Variants in DDX50 observed in about 807,000 individuals in gnomAD.
The protein encoded by DDX50 is ATP-dependent RNA helicase DDX50.
A neutral mutation model predicts 94.8 loss-of-function variants in DDX50; 56 were observed. The observed-to-expected ratio is 0.59, with a 90% CI of 0.48 to 0.74. The LOEUF (loss-of-function observed/expected upper bound fraction) is 0.74. DDX50 is among the 30% of genes least tolerant of loss of function. The pLI, the probability that DDX50 is intolerant of heterozygous loss-of-function variation, is 0.00. For missense variants in DDX50, 713 were observed against 881.2 expected, an observed-to-expected ratio of 0.81 and a Z score of 2.42; for synonymous variants, 264 against 295.4, an observed-to-expected ratio of 0.89 and a Z score of 1.09.
At chr10:68,917,411 A>G (rs980600061) in intron 7 of DDX50, among the ~76,000 whole-genome samples, 5 of 152,126 alleles carry the variant, frequency 3.3e-5, no homozygotes, top group African/African-American at 1.2e-4. Context: ...GTGAGCTGAG[A>G]TCGTGCCACT....
chr10:68,901,559 G>C (rs1841288010), intron 1 of DDX50, 88 bp downstream of exon 1: 3 of 1,385,788 alleles, frequency 2.2e-6, no homozygotes, highest in Non-Finnish European at 2.9e-6. Context: ...TGGCCTGTCA[G>C]AACCGGGCCG....
intron 8 of DDX50, among the ~76,000 whole-genome samples, chr10:68,925,508 T>C (rs1842061152): frequency 6.6e-6 from 1 of 152,194 alleles, no homozygotes; most frequent in Admixed American, 6.5e-5. Context: ...TGATGTGTGT[T>C]ATGTGGGAAC....
At chr10:68,939,699 TATC>T (rs894482386) in intron 12 of DDX50, among the ~76,000 whole-genome samples, 31 of 152,330 alleles carry the variant, frequency 2.0e-4, no homozygotes, top group Admixed American at 4.6e-4. Flanking sequence ...TCTGCTCAAA[TATC>T]ATACCAGAGA....
chr10:68,939,251 C>G (rs1842497376), intron 12 of DDX50, among the ~76,000 whole-genome samples: 1 of 152,094 alleles, frequency 6.6e-6, no homozygotes, highest in Admixed American at 6.5e-5. Context: ...GATATCCTAT[C>G]CCTAGTAACC....
rs545464228 is a variant in DDX50, at chr10:68,913,933, G to T, written c.944-126G>T. 5.5e-5 allele frequency: 51 copies of T among 927,142 alleles called. No homozygotes were observed. In the East Asian group the frequency reaches 1.4e-3, roughly 26 times the overall value. 57.4% of individuals were successfully genotyped at this position (927,142 alleles called of 1,614,324 possible). On this transcript the variant is annotated intron_variant, in intron 6 of 14. Transcript: ENST00000373585. ...AGTTTTAATAATTGCAATGAAGTCT[G>T]TGTGTTAAAAATTCACCCCAAGTTT...
intron 11 of DDX50, among the ~76,000 whole-genome samples, chr10:68,936,549 T>TAA (rs1035050350): frequency 1.1e-5 from 1 of 92,982 alleles, no homozygotes. Context: ...TATATATATA[T>TAA]AAAATGTGGC....
intron 2 of DDX50, among the ~76,000 whole-genome samples, chr10:68,908,325 C>T (rs963424559): frequency 2.0e-5 from 3 of 151,836 alleles, no homozygotes; most frequent in African/African-American, 7.3e-5. Flanking sequence ...GTGGCGCATG[C>T]CTGTAATCCC....
intron 12 of DDX50, among the ~76,000 whole-genome samples, chr10:68,939,891 C>T (rs371213280): frequency 7.0e-6 from 1 of 143,666 alleles, no homozygotes; most frequent in South Asian, 2.4e-4. Context: ...TGCACATGCA[C>T]TAGAATTTAC....
At chr10:68,925,141 T>A (rs900809143) in intron 8 of DDX50, among the ~76,000 whole-genome samples, 3 of 141,608 alleles carry the variant, frequency 2.1e-5, no homozygotes, top group African/African-American at 7.8e-5. Context: ...TCTGCTCTTG[T>A]TGCCCAGATT....
In DDX50 at chr10:68,906,895, C is replaced by A; in HGVS notation, c.272C>A (p.Ser91Ter). 6.2e-7 allele frequency: 1 copy of A among 1,609,912 alleles called. No individual in the cohort carries two copies. Among genetic ancestry groups the A allele is most frequent in the South Asian group, 1.1e-5 (1 of 89,682 alleles). The change falls in exon 2 of 15, where the codon TCA becomes TAA. Residue 91 changes from serine (S) to a stop codon, truncating the protein, a stop_gained. Coordinates refer to ENST00000373585, the MANE Select transcript of DDX50 (RefSeq NM_024045.2). LOFTEE classifies it high-confidence loss of function. ...LSDEFSKSHKSRRKDLPNGDI... is the reference protein window; with the variant it reads ...LSDEFSKSHK ...GATGAATTCTCCAAATCTCATAAGT[C>A]AAGAAGAAAAGATCTACCAAATGGA...
In DDX50 at chr10:68,946,352, G is replaced by GC; in HGVS notation, c.1937dup (p.Glu647ArgfsTer4). Reference sequence around the variant, plus strand: ...TTAATCCTGTAAATTCCCCTAACAGGCAGAGTGGCATGATTCCGACTGGAT... The same window carrying GC: ...TTAATCCTGTAAATTCCCCTAACAGGCCAGAGTGGCATGATTCCGACTGGAT... On this transcript the variant is annotated frameshift_variant and splice_region_variant, in exon 15 of 15. Transcript: ENST00000373585. LOFTEE classifies it high-confidence loss of function. 4 of 1,605,512 alleles carry GC rather than the reference G, an allele frequency of 2.5e-6. No homozygotes were observed. The highest frequency in any genetic ancestry group is 3.4e-6 in the Non-Finnish European group (4 of 1,173,958).
chr10:68,946,149 T>C (rs1350561368), intron 14 of DDX50, among the ~76,000 whole-genome samples: 3 of 152,178 alleles, frequency 2.0e-5, no homozygotes, highest in East Asian at 1.9e-4. Context: ...AATTTTAGAA[T>C]GTATAAACTG....
chr10:68,915,399 C>T (rs1248395782), intron 7 of DDX50, among the ~76,000 whole-genome samples: 6 of 138,306 alleles, frequency 4.3e-5, no homozygotes, highest in East Asian at 2.2e-4. Context: ...GGTGACAGAG[C>T]GAGACTCTGT....
At position 68,934,203 on chromosome 10, in the gene DDX50, C is replaced by T. The variant is rs1423232977; in HGVS notation, c.1244C>T (p.Ala415Val). ...TTCTCCCCCTTTCTCAAATAGAATG[C>T]CCAGTGTTTACATGGGGACATTGCA... ...MAMNPHIKQN[A>V]QCLHGDIAQS... The change falls in exon 9 of 15, where the codon GCC (alanine) becomes GTC (valine). Residue 415 changes from alanine (A) to valine (V), a missense_variant. Transcript: ENST00000373585. This position sits in a 1 kb window ranked among gnomAD's most constrained non-coding sequence, Gnocchi z 4.0. 4 of 1,610,044 alleles carry T rather than the reference C, an allele frequency of 2.5e-6. No individual in the cohort carries two copies. The Admixed American group carries it at 6.7e-5, about 27-fold the overall frequency.
chr10:68,910,429 G>A (rs781544917), intron 3 of DDX50, 47 bp downstream of exon 3: 1 of 1,510,246 alleles, frequency 6.6e-7, no homozygotes, highest in East Asian at 2.3e-5. Context: ...TTGAGACAGA[G>A]CCTCGCTCTG....
intron 14 of DDX50, among the ~76,000 whole-genome samples, chr10:68,944,986 A>G (rs1842635377): frequency 6.6e-6 from 1 of 152,002 alleles, no homozygotes; most frequent in South Asian, 2.1e-4. Flanking sequence ...ACTTATTTTT[A>G]ATGACTCCCA....
intron 2 of DDX50, among the ~76,000 whole-genome samples, chr10:68,909,906 C>T (rs956302103): frequency 1.3e-5 from 2 of 152,196 alleles, no homozygotes; most frequent in African/African-American, 2.4e-5. Flanking sequence ...ACATGATCCA[C>T]CTGCCTTGGC....
At position 68,901,366 on chromosome 10, in the gene DDX50, G is replaced by C; in HGVS notation, c.-19G>C. Reference sequence around the variant, plus strand: ...TGGTTGTGGCCACTGTGCCCGGAGGGAGGCGGCGGTGGCCAGTAATGCCTG... The same window carrying C: ...TGGTTGTGGCCACTGTGCCCGGAGGCAGGCGGCGGTGGCCAGTAATGCCTG... On this transcript the variant is annotated 5_prime_UTR_variant, in exon 1 of 15. Transcript: ENST00000373585. The C allele has an allele frequency of 6.5e-7, 1 of 1,531,634 alleles. No homozygotes were observed. Among genetic ancestry groups the C allele is most frequent in the Non-Finnish European group, 8.8e-7 (1 of 1,137,314 alleles). 94.9% of individuals were successfully genotyped at this position (1,531,634 alleles called of 1,614,324 possible). A position where few individuals can be genotyped will look rare whatever the true frequency, so the allele number is the denominator to read the frequency against.
chr10:68,928,601 A>G (rs1312924622), intron 8 of DDX50, among the ~76,000 whole-genome samples: 1 of 152,202 alleles, frequency 6.6e-6, no homozygotes, highest in Non-Finnish European at 1.5e-5. Flanking sequence ...ATATAGAAGT[A>G]TAGATATGTA....
Sources: allele counts gnomAD v4.1 joint callset (sites outside exome capture counted in the v4.1 genomes callset), GRCh38; gene constraint gnomAD v4.1.1; non-coding constraint Gnocchi (gnomAD v3.1); transcripts MANE v1.5; gene names NCBI Gene and HGNC (gene_info 2026-07-23, HGNC 2026-07-21).